The following SLC24A1 variants were observed in gnomAD, a reference collection of about 807,000 sequenced individuals.
The protein encoded by SLC24A1 is sodium/potassium/calcium exchanger 1.
SLC24A1 carries 52 observed loss-of-function variants against 88.1 expected under a neutral mutation model. The observed-to-expected ratio is 0.59, with a 90% CI of 0.47 to 0.74. The LOEUF is 0.74. SLC24A1 is among the 30% of genes least tolerant of loss of function. SLC24A1 has a pLI of 0.00. For missense variants in SLC24A1, 1,173 were observed against 1,363.3 expected, an observed-to-expected ratio of 0.86 and a Z score of 2.20; for synonymous variants, 455 against 498.0, an observed-to-expected ratio of 0.91 and a Z score of 1.15.
chr15:65,638,284 C>A, intron 3 of SLC24A1, 103 bp downstream of exon 3: 1 of 858,584 alleles, frequency 1.2e-6, no homozygotes, highest in Non-Finnish European at 1.9e-6. Flanking sequence ...CCTGGCTGTG[C>A]TCAGGCCTAG....
Position 65,656,201 on chromosome 15 carries a change from G to A in SLC24A1, c.*2122G>A. ...AAGGAGTGATGGACCGTAAAATGCT[G>A]TGTAATGATAAAAGGCTGAAATATC... On this transcript the variant is annotated 3_prime_UTR_variant, in exon 10 of 10. Coordinates refer to ENST00000261892, the MANE Select transcript of SLC24A1 (RefSeq NM_004727.3). 1.0e-6 allele frequency: 1 copy of A among 984,622 alleles called. No individual in the cohort carries two copies. Among genetic ancestry groups the A allele is most frequent in the Non-Finnish European group, 1.2e-6 (1 of 829,228 alleles). 61.0% of individuals were successfully genotyped at this position (984,622 alleles called of 1,614,324 possible).
intron 3 of SLC24A1, 28 bp downstream of exon 3, chr15:65,638,209 G>A (rs2075005154): frequency 6.6e-7 from 1 of 1,504,844 alleles, no homozygotes; most frequent in Non-Finnish European, 9.2e-7. Context: ...TCTGCCCAGT[G>A]GGGACACTGC....
intron 2 of SLC24A1, among the ~76,000 whole-genome samples, chr15:65,630,903 G>A (rs1007245194): frequency 1.3e-5 from 2 of 152,112 alleles, no homozygotes; most frequent in East Asian, 1.9e-4. Flanking sequence ...CCCAGCAGGC[G>A]GAGGTTGCAG....
At chr15:65,652,092 CT>C in intron 8 of SLC24A1, 1 of 374,156 alleles carries the variant, frequency 2.7e-6, no homozygotes, top group Admixed American at 3.8e-5. Flanking sequence ...TGAGAGCCAG[CT>C]TTTTTCGCCT....
intron 2 of SLC24A1, among the ~76,000 whole-genome samples, chr15:65,634,813 AAAAAAAAG>A (rs1191516237): frequency 6.6e-6 from 1 of 151,328 alleles, no homozygotes; most frequent in Non-Finnish European, 1.5e-5. Flanking sequence ...AAACAAAAAG[AAAAAAAAG>A]AAAAAAAGAG....
chr15:65,644,404 T>C, intron 4 of SLC24A1, 23 bp from the exon 5 acceptor site: 1 of 1,508,174 alleles, frequency 6.6e-7, no homozygotes, highest in Non-Finnish European at 9.1e-7. Flanking sequence ...CCAGGTAAGA[T>C]GTATGTCCTG....
intron 4 of SLC24A1, among the ~76,000 whole-genome samples, chr15:65,643,306 G>A (rs949486545): frequency 3.3e-5 from 5 of 152,174 alleles, no homozygotes; most frequent in Admixed American, 2.0e-4. Context: ...TATGAGTGAG[G>A]CCAGCATTTG....
chr15:65,615,360 A>G (rs1043559514), intron 2 of SLC24A1, among the ~76,000 whole-genome samples: 1 of 152,204 alleles, frequency 6.6e-6, no homozygotes, highest in African/African-American at 2.4e-5. Context: ...AAATAAAACT[A>G]GTTTTTAAAA....
Position 65,651,723 on chromosome 15 carries a change from C to A in SLC24A1, c.2847C>A (p.Ala949=). ...TCCTGGGATCTATCATGTGGATAGC[C>A]ATGTTCTCATACCTCATGGTGTGGT... ...FTFLGSIMWI[A]MFSYLMVWWA... The change falls in exon 8 of 10, where the codon GCC becomes GCA. Residue 949 remains alanine (A), a synonymous_variant. Coordinates refer to ENST00000261892, the MANE Select transcript of SLC24A1 (RefSeq NM_004727.3). The A allele has an allele frequency of 6.2e-7, 1 of 1,609,990 alleles. No homozygotes were observed. The highest frequency in any genetic ancestry group is 8.5e-7 in the Non-Finnish European group (1 of 1,176,390).
At position 65,624,113 on chromosome 15, in the gene SLC24A1, G is replaced by A; in HGVS notation, c.33G>A (p.Glu11=). 1 of 1,609,914 alleles carries A rather than the reference G, an allele frequency of 6.2e-7. No homozygotes were observed. Among genetic ancestry groups the A allele is most frequent in the South Asian group, 1.1e-5 (1 of 90,328 alleles). The change falls in exon 2 of 10, where the codon GAG becomes GAA. Residue 11 remains glutamate, a synonymous_variant. Coordinates refer to ENST00000261892, the MANE Select transcript of SLC24A1 (RefSeq NM_004727.3). ...AATTGATCAGGATGGGGCCGCAAGAGAGGTGGTTACTCCGGACAAAGCGGC... is the reference window on the plus strand; with the variant it reads ...AATTGATCAGGATGGGGCCGCAAGAAAGGTGGTTACTCCGGACAAAGCGGC... MGKLIRMGPQ[E]RWLLRTKRLH...
chr15:65,660,396 C>T (rs751127651), downstream of SLC24A1: 20 of 1,156,140 alleles, frequency 1.7e-5, no homozygotes, highest in Non-Finnish European at 2.4e-5. Context: ...TACCTCCAGT[C>T]CAAGTGTCGT....
At chr15:65,615,041 C>T (rs1156285324) in intron 2 of SLC24A1, among the ~76,000 whole-genome samples, 1 of 152,096 alleles carries the variant, frequency 6.6e-6, no homozygotes, top group African/African-American at 2.4e-5. Flanking sequence ...CATAGAAAGA[C>T]CTTGTCTCTA....
chr15:65,634,187 A>G (rs1007779906), intron 2 of SLC24A1, among the ~76,000 whole-genome samples: 5 of 152,192 alleles, frequency 3.3e-5, no homozygotes, highest in Admixed American at 2.0e-4. Flanking sequence ...AAGGGATTCA[A>G]TAAATATTTG....
downstream of SLC24A1, chr15:65,656,322 T>A: frequency 1.1e-6 from 1 of 885,742 alleles, no homozygotes; most frequent in Non-Finnish European, 1.4e-6. Context: ...GAAGTTCTGA[T>A]CACTTTACAG....
At chr15:65,645,070 G>A (rs2075260664) in intron 5 of SLC24A1, among the ~76,000 whole-genome samples, 1 of 152,216 alleles carries the variant, frequency 6.6e-6, no homozygotes, top group South Asian at 2.1e-4. Flanking sequence ...GCAACCCCTG[G>A]ATGGAGGTGG....
At chr15:65,615,219 C>T (rs934493551) in intron 2 of SLC24A1, among the ~76,000 whole-genome samples, 2 of 151,956 alleles carry the variant, frequency 1.3e-5, no homozygotes, top group African/African-American at 2.4e-5. Context: ...AACAAACAAA[C>T]AAACAAACAA....
chr15:65,630,331 C>A (rs117620984), intron 2 of SLC24A1, among the ~76,000 whole-genome samples: 3 of 152,200 alleles, frequency 2.0e-5, no homozygotes, highest in Non-Finnish European at 4.4e-5. Context: ...TCAACAAGAC[C>A]TCAAGCAGAC....
In SLC24A1 at chr15:65,623,942, T is replaced by A; in HGVS notation, c.-126-13T>A. On this transcript the variant is annotated splice_polypyrimidine_tract_variant and intron_variant, in intron 1 of 9. Transcript: ENST00000261892. ...TCTTAGTGGTAAATAATCTCTTTTT[T>A]TTACCCACCTAGGGTTGTGGATACC... 1.0e-5 allele frequency: 7 copies of A among 670,660 alleles called. 1 individual carries two copies. In the South Asian group the frequency reaches 1.7e-4, roughly 16 times the overall value. The allele number at this position is 670,660 out of a possible 1,614,324, so 41.5% of individuals were successfully genotyped here. A position where few individuals can be genotyped will look rare whatever the true frequency, so the allele number is the denominator to read the frequency against.
intron 9 of SLC24A1, among the ~76,000 whole-genome samples, chr15:65,653,501 C>T (rs1267059158): frequency 1.4e-5 from 2 of 147,818 alleles, no homozygotes; most frequent in African/African-American, 5.1e-5. Context: ...GCCTGTAATT[C>T]CAGCATTTAA....
Sources: gnomAD v4.1 joint callset for allele counts (sites outside exome capture counted in the v4.1 genomes callset) on GRCh38, gnomAD v4.1.1 for gene constraint, MANE v1.5 for transcripts, NCBI Gene and HGNC (gene_info 2026-07-23, HGNC 2026-07-21) for gene names.